Variants in CRABP1 observed in about 807,000 individuals in gnomAD.
The protein encoded by CRABP1 is cellular retinoic acid-binding protein 1.
Under a neutral mutation model 16.4 loss-of-function variants are expected in CRABP1, and 9 were observed. That is an observed-to-expected ratio of 0.55 (90% CI 0.33 to 0.96). The LOEUF is 0.96. Ranked by LOEUF, CRABP1 falls within the 40% of genes least tolerant of loss-of-function variation. The pLI, the probability that CRABP1 is intolerant of heterozygous loss-of-function variation, is 0.03. For synonymous variants in CRABP1, 72 were observed against 70.4 expected (o/e 1.02, Z -0.11); for missense variants, 157 against 186.0 (o/e 0.84, Z 0.91).
chr15:78,343,443 C>T (rs2050246570), intron 2 of CRABP1, 56 bp from the exon 3 acceptor site: 1 of 1,359,434 alleles, frequency 7.4e-7, no homozygotes. Flanking sequence ...CATTGTTGTC[C>T]CTGCTCCCGC....
intron 1 of CRABP1, 113 bp from the exon 2 acceptor site, chr15:78,340,930 G>C: frequency 1.8e-6 from 2 of 1,093,218 alleles, no homozygotes; most frequent in Non-Finnish European, 2.6e-6. Flanking sequence ...GCAGGGAAAC[G>C]AGTGGATCAA....
At chr15:78,344,215 T>C (rs1394695835) in intron 3 of CRABP1, among the ~76,000 whole-genome samples, 1 of 152,132 alleles carries the variant, frequency 6.6e-6, no homozygotes, top group Non-Finnish European at 1.5e-5. Flanking sequence ...GATCCCAGCA[T>C]TCTGGGGGGC....
At chr15:78,343,675 C>A (rs2050248524) in intron 3 of CRABP1, 63 bp downstream of exon 3, 3 of 1,231,636 alleles carry the variant, frequency 2.4e-6, no homozygotes, top group Non-Finnish European at 3.5e-6. Context: ...CAGATGGGCC[C>A]CACAAATATG....
At chr15:78,347,793 A>G in intron 3 of CRABP1, 134 bp from the exon 4 acceptor site, 1 of 805,776 alleles carries the variant, frequency 1.2e-6, no homozygotes, top group South Asian at 1.5e-5. Context: ...TAGCCTGAGC[A>G]CACACACAGG....
At position 78,341,333 on chromosome 15, in the gene CRABP1, C is replaced by A; in HGVS notation, c.249+112C>A. On this transcript the variant is annotated intron_variant, in intron 2 of 3. Transcript: ENST00000299529. This position sits in a 1 kb window ranked among gnomAD's most constrained non-coding sequence, Gnocchi z 5.3. The stretch of plus-strand genomic sequence containing the variant: ...TGCAGCCTGTGGCGCGCCTTCCTTG[C>A]AGGGTGTGTACACTGGCTGTTTGCA... 7.8e-7 allele frequency: 1 copy of A among 1,276,464 alleles called. No individual in the cohort carries two copies. Among genetic ancestry groups the A allele is most frequent in the Non-Finnish European group, 1.1e-6 (1 of 897,856 alleles). The allele number at this position is 1,276,464 out of a possible 1,614,324, so 79.1% of individuals were successfully genotyped here.
chr15:78,346,910 G>A (rs2050268667), intron 3 of CRABP1, among the ~76,000 whole-genome samples: 1 of 151,944 alleles, frequency 6.6e-6, no homozygotes, highest in African/African-American at 2.4e-5. Context: ...GGACCTTCTG[G>A]CACATAAATG....
Position 78,341,445 on chromosome 15 carries a change from C to A in CRABP1, c.249+224C>A. 1.8e-6 allele frequency: 1 copy of A among 555,136 alleles called. No individual in the cohort carries two copies. The allele number at this position is 555,136 out of a possible 1,614,324, so 34.4% of individuals were successfully genotyped here. ...TCAACCCCATCCCTACGCTGCCTCC[C>A]GGGGTGCTAACAGCCGCGCTTAAAG... On this transcript the variant is annotated intron_variant, in intron 2 of 3. Transcript: ENST00000299529. This position sits in a 1 kb window ranked among gnomAD's most constrained non-coding sequence, Gnocchi z 5.3.
chr15:78,343,557 G>A lies in CRABP1; in HGVS notation c.308G>A (p.Gly103Glu). ...CACTGCACGCAAACTCTTCTTGAAG[G>A]GGACGGCCCCAAAACCTACTGGACC... ...KIHCTQTLLEGDGPKTYWTRE... is the reference protein window; with the variant it reads ...KIHCTQTLLEEDGPKTYWTRE... Residue 103 changes from glycine (G) to glutamate (E), a missense_variant, in exon 3 of 4, where the codon GGG becomes GAG. Gly to Glu is a moderately conservative substitution (Grantham distance 98). Coordinates refer to ENST00000299529, the MANE Select transcript of CRABP1 (RefSeq NM_004378.3). 2 of 1,614,152 alleles carry A rather than the reference G, an allele frequency of 1.2e-6. No individual in the cohort carries two copies. Among genetic ancestry groups the A allele is most frequent in the Non-Finnish European group, 1.7e-6 (2 of 1,180,022 alleles).
intron 3 of CRABP1, among the ~76,000 whole-genome samples, chr15:78,344,881 A>T (rs1268915579): frequency 3.3e-5 from 5 of 151,976 alleles, no homozygotes; most frequent in African/African-American, 1.2e-4. Context: ...ATGCCACTGC[A>T]CTCTAGCCTG....
intron 3 of CRABP1, 123 bp from the exon 4 acceptor site, chr15:78,347,804 A>G (rs1034983831): frequency 7.9e-6 from 7 of 889,706 alleles, no homozygotes; most frequent in Middle Eastern, 2.2e-4. Context: ...CACACACAGG[A>G]AATTGAATGT....
intron 3 of CRABP1, among the ~76,000 whole-genome samples, chr15:78,346,987 G>T (rs927733181): frequency 4.9e-4 from 70 of 143,226 alleles, no homozygotes; most frequent in African/African-American, 1.0e-3. Flanking sequence ...CTTGGTTTTT[G>T]TTTTTGTTTT....
At position 78,343,528 on chromosome 15, in the gene CRABP1, G is replaced by A. The variant is rs1645188224; in HGVS notation, c.279G>A (p.Lys93=). Residue 93 remains lysine (K), a synonymous_variant, in exon 3 of 4, where the codon AAG becomes AAA. Coordinates refer to ENST00000299529, the MANE Select transcript of CRABP1 (RefSeq NM_004378.3). ...RSLATWENEN[K]IHCTQTLLEG... is the part of the protein sequence containing the mutation. ...TAGCCACTTGGGAGAATGAGAACAA[G>A]ATCCACTGCACGCAAACTCTTCTTG... The A allele has an allele frequency of 6.2e-7, 1 of 1,614,078 alleles. No individual in the cohort carries two copies. The highest frequency in any genetic ancestry group is 1.1e-5 in the South Asian group (1 of 91,090).
Position 78,348,131 on chromosome 15 carries a change from AC to A in CRABP1, c.*160del, listed in dbSNP as rs2050277755. ...CAATGTTGTAGTGTCCCCCACCCCC[AC>A]CCCCCAGGCCTTGGTGCCTCTTGTA... is the stretch of plus-strand genomic sequence containing the variant. On this transcript the variant is annotated 3_prime_UTR_variant, in exon 4 of 4. Transcript: ENST00000299529. 8 of 566,722 alleles carry A rather than the reference AC, an allele frequency of 1.4e-5. No individual in the cohort carries two copies. The highest frequency in any genetic ancestry group is 9.6e-5 in the African/African-American group (3 of 31,278). The allele number at this position is 566,722 out of a possible 1,614,324, so 35.1% of individuals were successfully genotyped here. A position where few individuals can be genotyped will look rare whatever the true frequency, so the allele number is the denominator to read the frequency against.
At chr15:78,347,427 A>T (rs1483953800) in intron 3 of CRABP1, among the ~76,000 whole-genome samples, 1 of 152,164 alleles carries the variant, frequency 6.6e-6, no homozygotes, top group Non-Finnish European at 1.5e-5. Context: ...TGAGTATTAC[A>T]TATACAGCAT....
chr15:78,345,942 T>C (rs1285949979), intron 3 of CRABP1, among the ~76,000 whole-genome samples: 3 of 152,204 alleles, frequency 2.0e-5, no homozygotes, highest in Admixed American at 6.5e-5. Context: ...AAACTGAGTA[T>C]ACTCCCACAA....
At position 78,341,690 on chromosome 15, in the gene CRABP1, C is replaced by G. The variant is rs2050236250; in HGVS notation, c.249+469C>G. The G allele has an allele frequency of 4.1e-5, 8 of 194,404 alleles. No individual in the cohort carries two copies. In the South Asian group the frequency reaches 5.4e-4, roughly 13 times the overall value. 12.0% of individuals were successfully genotyped at this position (194,404 alleles called of 1,614,324 possible). On this transcript the variant is annotated intron_variant, in intron 2 of 3. Coordinates refer to ENST00000299529, the MANE Select transcript of CRABP1 (RefSeq NM_004378.3). This position sits in a 1 kb window ranked among gnomAD's most constrained non-coding sequence, Gnocchi z 5.3. ...GCTCTGGATACAGTTTTAGCAGTCC[C>G]GATGGCCCCGTCACCTCTCCCTTCC...
intron 3 of CRABP1, among the ~76,000 whole-genome samples, chr15:78,344,760 A>AG (rs2050256223): frequency 6.6e-6 from 1 of 151,280 alleles, no homozygotes; most frequent in Non-Finnish European, 1.5e-5. Context: ...AAAAAAAAAA[A>AG]AAAAAAATTA....
Position 78,347,925 on chromosome 15 carries a change from A to C in CRABP1, c.364-2A>C, listed in dbSNP as rs1468922414. ...TGGTTTTCCTTTTCTTCTTCTCTGC[A>C]GACGTTTGGCGCCGATGACGTGGTC... On this transcript the variant is annotated splice_acceptor_variant, in intron 3 of 3. Coordinates refer to ENST00000299529, the MANE Select transcript of CRABP1 (RefSeq NM_004378.3). LOFTEE classifies it high-confidence loss of function. The C allele has an allele frequency of 1.2e-6, 2 of 1,614,108 alleles. No individual in the cohort carries two copies. Among genetic ancestry groups the C allele is most frequent in the Non-Finnish European group, 1.7e-6 (2 of 1,180,008 alleles).
intron 1 of CRABP1, 126 bp downstream of exon 1, chr15:78,340,624 C>A: frequency 2.8e-6 from 3 of 1,068,632 alleles, no homozygotes; most frequent in Non-Finnish European, 4.0e-6. Context: ...GTCCCCGGGG[C>A]AATAGATCGC....
Sources: gnomAD v4.1 joint callset for allele counts (sites outside exome capture counted in the v4.1 genomes callset) on GRCh38, gnomAD v4.1.1 for gene constraint, Gnocchi (gnomAD v3.1) non-coding constraint, MANE v1.5 for transcripts, NCBI Gene and HGNC (gene_info 2026-07-23, HGNC 2026-07-21) for gene names.